Variants in DRAM1 observed in about 807,000 individuals in gnomAD.
DRAM1 encodes the protein DNA damage regulated autophagy modulator 1, also known as DNA damage-regulated autophagy modulator protein 1.
DRAM1 carries 25 observed loss-of-function variants against 28.5 expected under a neutral mutation model. The ratio of observed to expected loss-of-function variants is 0.88; its 90% CI spans 0.64 to 1.23. The LOEUF is 1.23. DRAM1 is among the 50% of genes most tolerant of loss of function. The pLI, the probability that DRAM1 is intolerant of heterozygous loss-of-function variation, is 0.00. For missense variants in DRAM1, 249 were observed against 299.2 expected (o/e 0.83, Z 1.24); for synonymous variants, 113 against 114.2 (o/e 0.99, Z 0.07).
intron 3 of DRAM1, among the ~76,000 whole-genome samples, chr12:101,905,617 T>C (rs1873773162): frequency 6.6e-6 from 1 of 151,890 alleles, no homozygotes; most frequent in Non-Finnish European, 1.5e-5. Context: ...TGAGACAAGG[T>C]CTCACTCTGT....
intron 3 of DRAM1, among the ~76,000 whole-genome samples, chr12:101,904,153 G>T (rs1312913138): frequency 2.0e-5 from 3 of 151,780 alleles, no homozygotes; most frequent in African/African-American, 7.3e-5. Context: ...ATGCCCAGCT[G>T]ATTTTTGTAT....
intron 1 of DRAM1, among the ~76,000 whole-genome samples, chr12:101,892,139 A>G (rs1873154675): frequency 6.6e-6 from 1 of 152,252 alleles, no homozygotes; most frequent in African/African-American, 2.4e-5. Context: ...ACAAACCAAC[A>G]AAAGTAAAAA....
intron 1 of DRAM1, among the ~76,000 whole-genome samples, chr12:101,879,348 A>G (rs111314794): frequency 3.3e-5 from 5 of 152,328 alleles, no homozygotes; most frequent in African/African-American, 1.2e-4. Context: ...GAATAGTGCA[A>G]ATTTGCAGTA....
intron 1 of DRAM1, among the ~76,000 whole-genome samples, chr12:101,895,079 C>T (rs1417138891): frequency 6.6e-6 from 1 of 151,980 alleles, no homozygotes; most frequent in African/African-American, 2.4e-5. Context: ...TGTCTCTCTG[C>T]CCATTCAGCA....
chr12:101,912,296 C>T (rs921253721), intron 4 of DRAM1, among the ~76,000 whole-genome samples: 1 of 152,224 alleles, frequency 6.6e-6, no homozygotes, highest in African/African-American at 2.4e-5. Context: ...CCTTAAACTT[C>T]ACAACTTACA....
chr12:101,903,119 A>G (rs1434092534), intron 3 of DRAM1, among the ~76,000 whole-genome samples: 1 of 152,072 alleles, frequency 6.6e-6, no homozygotes, highest in East Asian at 1.9e-4. Flanking sequence ...GGGTTTCCCC[A>G]TGTTGGCCAG....
rs554893536 is a variant in DRAM1 at position 101,913,470 on chromosome 12, C to T, written c.521-704C>T. Among the ~76,000 whole-genome samples, 379 of 151,966 alleles carry T rather than the reference C, an allele frequency of 2.5e-3. 4 individuals carry two copies. Among genetic ancestry groups the T allele is most frequent in the African/African-American group, 8.7e-3 (362 of 41,462 alleles). ...CCTGTAATCCCAGCACTTTGGGAGGCCGAGGTGGGCAGATCACCTGAGGTC... is the reference window on the plus strand; with the variant it reads ...CCTGTAATCCCAGCACTTTGGGAGGTCGAGGTGGGCAGATCACCTGAGGTC... On this transcript the variant is annotated intron_variant, in intron 4 of 6. Coordinates refer to ENST00000258534, the MANE Select transcript of DRAM1 (RefSeq NM_018370.3).
Position 101,877,868 on chromosome 12 carries a change from T to C in DRAM1, c.79T>C (p.Tyr27His). ...GTCGTCAGCCGCCTTCATTATCTCCTACGTGGTCGCCGTGCTCTCCGGGCA... is the reference window on the plus strand; with the variant it reads ...GTCGTCAGCCGCCTTCATTATCTCCCACGTGGTCGCCGTGCTCTCCGGGCA... ...TWSSAAFIISYVVAVLSGHVN... is the reference protein window; with the variant it reads ...TWSSAAFIISHVVAVLSGHVN... The change falls in exon 1 of 7, where the codon TAC (tyrosine) becomes CAC (histidine). Residue 27 changes from tyrosine to histidine, a missense_variant. Tyr to His is a moderately conservative substitution (Grantham distance 83). Transcript: ENST00000258534. This position sits in a 1 kb window ranked among gnomAD's most constrained non-coding sequence, Gnocchi z 4.1. 1.3e-6 allele frequency: 2 copies of C among 1,545,954 alleles called. No individual in the cohort carries two copies. The highest frequency in any genetic ancestry group is 1.7e-6 in the Non-Finnish European group (2 of 1,143,854).
At chr12:101,887,910 T>C (rs1872947672) in intron 1 of DRAM1, among the ~76,000 whole-genome samples, 1 of 152,048 alleles carries the variant, frequency 6.6e-6, no homozygotes, top group Admixed American at 6.6e-5. Context: ...CAGGCAGTGG[T>C]GATGTTGGCT....
Position 101,922,401 on chromosome 12 carries a change from T to C in DRAM1, c.*1141T>C, listed in dbSNP as rs1356992200. 1 of 152,262 alleles carries C rather than the reference T, an allele frequency of 6.6e-6. No homozygotes were observed. The highest frequency in any genetic ancestry group is 2.4e-5 in the African/African-American group (1 of 41,470). The allele number at this position is 152,262 out of a possible 1,614,324, so 9.4% of individuals were successfully genotyped here. ...TGAAAGGTGAAGAGCAGGAATTCTC[T>C]CTTTCAAATCCTAGAGCATAAACCC... On this transcript the variant is annotated 3_prime_UTR_variant, in exon 7 of 7. Transcript: ENST00000258534.
intron 4 of DRAM1, among the ~76,000 whole-genome samples, chr12:101,913,725 AAAAG>A (rs1874128084): frequency 6.6e-6 from 1 of 151,378 alleles, no homozygotes; most frequent in African/African-American, 2.4e-5. Flanking sequence ...AAAAAAAAAA[AAAAG>A]GAAAGGAAAA....
In DRAM1 at chr12:101,901,391, A is replaced by T; in HGVS notation, c.300A>T (p.Gly100=). The T allele has an allele frequency of 1.2e-6, 2 of 1,613,988 alleles. No homozygotes were observed. Among genetic ancestry groups the T allele is most frequent in the Non-Finnish European group, 1.7e-6 (2 of 1,180,008 alleles). ...TTAACTTGGTGTCTTTAGTGCTTGGATTGGTGGGATGTTTCGGAATGGGCA... is the reference window on the plus strand; with the variant it reads ...TTAACTTGGTGTCTTTAGTGCTTGGTTTGGTGGGATGTTTCGGAATGGGCA... ...PVFNLVSLVL[G]LVGCFGMGIV... The change falls in exon 3 of 7, where the codon GGA becomes GGT. Residue 100 remains glycine, a synonymous_variant. Coordinates refer to ENST00000258534, the MANE Select transcript of DRAM1 (RefSeq NM_018370.3).
chr12:101,890,853 C>T (rs1304945285), intron 1 of DRAM1, among the ~76,000 whole-genome samples: 4 of 150,632 alleles, frequency 2.7e-5, no homozygotes, highest in African/African-American at 9.8e-5. Context: ...CGGGTTCAAG[C>T]GATTCTCCTG....
chr12:101,908,502 A>C, intron 4 of DRAM1, 139 bp downstream of exon 4: 1 of 849,372 alleles, frequency 1.2e-6, no homozygotes, highest in Non-Finnish European at 1.8e-6. Context: ...TCAACTCTGA[A>C]TACAGCATTG....
chr12:101,921,204 T>A lies in DRAM1; in HGVS notation c.673-12T>A, dbSNP rs371961267. 7 of 1,585,428 alleles carry A rather than the reference T, an allele frequency of 4.4e-6. No individual in the cohort carries two copies. Among genetic ancestry groups the A allele is most frequent in the Non-Finnish European group, 6.1e-6 (7 of 1,154,062 alleles). On this transcript the variant is annotated splice_polypyrimidine_tract_variant and intron_variant, in intron 6 of 6. Coordinates refer to ENST00000258534, the MANE Select transcript of DRAM1 (RefSeq NM_018370.3). ...CTTCTTTTAAACCTTTCTCTTTCAT[T>A]TTTAAAAATAGAGTGTCACCCTAAG... is the stretch of plus-strand genomic sequence containing the variant.
chr12:101,907,198 T>TTAAAAAAAAAA (rs200353634), intron 3 of DRAM1, among the ~76,000 whole-genome samples: 1 of 49,382 alleles, frequency 2.0e-5, no homozygotes. Flanking sequence ...AGACCCTGTC[T>TTAAAAAAAAAA]CAAAAAAAAA....
chr12:101,882,373 G>A (rs1872720920), intron 1 of DRAM1, among the ~76,000 whole-genome samples: 1 of 151,088 alleles, frequency 6.6e-6, no homozygotes, highest in African/African-American at 2.4e-5. Context: ...GCCTCCCAAA[G>A]TGCTGGGATT....
chr12:101,918,382 T>G (rs1328924360), intron 5 of DRAM1, among the ~76,000 whole-genome samples: 1 of 152,206 alleles, frequency 6.6e-6, no homozygotes, highest in Admixed American at 6.5e-5. Context: ...ATCTTCCTTG[T>G]TCAGGGATGA....
At chr12:101,918,462 T>C (rs1388724662) in intron 5 of DRAM1, among the ~76,000 whole-genome samples, 1 of 152,210 alleles carries the variant, frequency 6.6e-6, no homozygotes, top group East Asian at 1.9e-4. Context: ...TCTCCTACTG[T>C]AGGCTGGTCA....
Sources: allele counts gnomAD v4.1 joint callset (sites outside exome capture counted in the v4.1 genomes callset), GRCh38; gene constraint gnomAD v4.1.1; non-coding constraint Gnocchi (gnomAD v3.1); transcripts MANE v1.5; gene names NCBI Gene and HGNC (gene_info 2026-07-23, HGNC 2026-07-21).